Variants in SLC35F4 observed in about 807,000 individuals in gnomAD.
The protein encoded by SLC35F4 is chromosome 14 open reading frame 36.
SLC35F4 carries 24 observed loss-of-function variants against 44.2 expected under a neutral mutation model. That is an observed-to-expected ratio of 0.54 (90% CI 0.39 to 0.76). The LOEUF is 0.76. Among genes scored for constraint, SLC35F4 ranks in the 30% least tolerant of loss-of-function variants. The pLI, the probability that SLC35F4 is intolerant of heterozygous loss-of-function variation, is 0.00. For missense variants in SLC35F4, 562 were observed against 586.1 expected (o/e 0.96, Z 0.42); for synonymous variants, 238 against 223.6 (o/e 1.06, Z -0.57).
At chr14:57,891,945 A>G (rs752326226) in intron 1 of SLC35F4, among the ~76,000 whole-genome samples, 9 of 152,204 alleles carry the variant, frequency 5.9e-5, no homozygotes, top group Non-Finnish European at 1.3e-4. Flanking sequence ...TTCTCAGACT[A>G]TTATAGAAAA....
intron 1 of SLC35F4, among the ~76,000 whole-genome samples, chr14:57,618,504 G>A (rs539177112): frequency 1.3e-5 from 2 of 152,270 alleles, no homozygotes; most frequent in Admixed American, 6.5e-5. Context: ...GTGCACTCTG[G>A]CCCAGATACT....
chr14:57,585,403 C>G (rs923242881), intron 3 of SLC35F4, among the ~76,000 whole-genome samples: 5 of 152,098 alleles, frequency 3.3e-5, no homozygotes, highest in Non-Finnish European at 7.4e-5. Flanking sequence ...TGGGCAAAAG[C>G]TAGAAGCATT....
intron 1 of SLC35F4, among the ~76,000 whole-genome samples, chr14:57,620,621 C>T (rs921168930): frequency 2.6e-5 from 4 of 152,138 alleles, no homozygotes; most frequent in African/African-American, 9.7e-5. Flanking sequence ...GGGAATGCTT[C>T]CAGTTTTTGC....
intron 1 of SLC35F4, among the ~76,000 whole-genome samples, chr14:57,963,389 C>T (rs1183942181): frequency 1.3e-5 from 2 of 152,140 alleles, no homozygotes; most frequent in Admixed American, 6.5e-5. Flanking sequence ...AAGGACAGGA[C>T]GTGTCTTCAG....
chr14:57,600,463 T>TG (rs2070744579), intron 1 of SLC35F4, among the ~76,000 whole-genome samples: 1 of 147,620 alleles, frequency 6.8e-6, no homozygotes, highest in Non-Finnish European at 1.5e-5. Context: ...GAGGCCAAGG[T>TG]GGGCGGATCA....
intron 1 of SLC35F4, among the ~76,000 whole-genome samples, chr14:57,945,662 G>T (rs1289165613): frequency 6.6e-6 from 1 of 151,942 alleles, no homozygotes; most frequent in Non-Finnish European, 1.5e-5. Context: ...TGGATCAAAT[G>T]GTAGTTCTAC....
chr14:57,941,229 C>A (rs1889911247), intron 1 of SLC35F4, among the ~76,000 whole-genome samples: 1 of 152,112 alleles, frequency 6.6e-6, no homozygotes, highest in South Asian at 2.1e-4. Context: ...CAAACAAATA[C>A]CTGTACACAA....
intron 1 of SLC35F4, among the ~76,000 whole-genome samples, chr14:57,890,037 C>T (rs1027433163): frequency 4.6e-5 from 7 of 152,284 alleles, no homozygotes; most frequent in Middle Eastern, 3.4e-3. Context: ...ACTGTGGATG[C>T]GGTATCCTTC....
chr14:57,736,665 C>T (rs2076472093), intron 1 of SLC35F4, among the ~76,000 whole-genome samples: 1 of 152,206 alleles, frequency 6.6e-6, no homozygotes, highest in South Asian at 2.1e-4. Context: ...TCTACTATTA[C>T]CACAAGTTAT....
chr14:57,858,191 A>C (rs1887311297), intron 1 of SLC35F4, among the ~76,000 whole-genome samples: 2 of 152,054 alleles, frequency 1.3e-5, no homozygotes, highest in Non-Finnish European at 2.9e-5. Context: ...TATATACCCA[A>C]AGGATTATAA....
At chr14:57,903,010 G>A (rs80008557) in intron 1 of SLC35F4, among the ~76,000 whole-genome samples, 5,496 of 152,132 alleles carry the variant, frequency 0.036, 333 homozygotes, top group African/African-American at 0.13. Flanking sequence ...TACCTCATAT[G>A]TTACATGTTT....
intron 1 of SLC35F4, among the ~76,000 whole-genome samples, chr14:57,718,469 A>G (rs1258788145): frequency 6.6e-6 from 1 of 152,180 alleles, no homozygotes; most frequent in Non-Finnish European, 1.5e-5. Context: ...CCAACAGTGT[A>G]TGAGGATTCT....
chr14:57,828,876 A>G lies in SLC35F4; in HGVS notation c.103+36847T>C, dbSNP rs548863452. On this transcript the variant is annotated intron_variant, in intron 1 of 7. Transcript: ENST00000556826. The stretch of plus-strand genomic sequence containing the variant: ...GAAAATGGAATAATATTATGCAACA[A>G]CAATAATAATTTCTCCATAGCCCAA... Among the ~76,000 whole-genome samples the G allele has an allele frequency of 3.5e-4, 54 of 152,338 alleles. 1 individual carries two copies. Among genetic ancestry groups the G allele is most frequent in the African/African-American group, 1.2e-3 (49 of 41,582 alleles).
chr14:57,796,357 A>G (rs1053190943), intron 1 of SLC35F4, among the ~76,000 whole-genome samples: 4 of 152,168 alleles, frequency 2.6e-5, no homozygotes, highest in African/African-American at 9.6e-5. Flanking sequence ...AACATAATCA[A>G]TCTATTTTCA....
At chr14:57,740,383 T>G (rs1053578145) in intron 1 of SLC35F4, among the ~76,000 whole-genome samples, 1 of 152,206 alleles carries the variant, frequency 6.6e-6, no homozygotes, top group Non-Finnish European at 1.5e-5. Context: ...TCCAACACCA[T>G]GCATATTTTG....
chr14:57,647,106 G>T (rs1391015607), intron 1 of SLC35F4, among the ~76,000 whole-genome samples: 2 of 152,104 alleles, frequency 1.3e-5, no homozygotes, highest in Non-Finnish European at 2.9e-5. Flanking sequence ...CTGTTGACTT[G>T]GGGTGGAGAG....
At chr14:57,859,296 G>A (rs1887470676) in intron 1 of SLC35F4, among the ~76,000 whole-genome samples, 3 of 152,128 alleles carry the variant, frequency 2.0e-5, no homozygotes, top group Admixed American at 1.3e-4. Context: ...ATAGACCAAC[G>A]AGATAAATGT....
intron 1 of SLC35F4, among the ~76,000 whole-genome samples, chr14:57,706,252 A>T (rs2075673474): frequency 1.3e-5 from 2 of 152,224 alleles, no homozygotes; most frequent in East Asian, 1.9e-4. Context: ...TTGTCAAAAA[A>T]TGACATCATT....
At chr14:57,828,661 A>C (rs146980098) in intron 1 of SLC35F4, among the ~76,000 whole-genome samples, 3 of 152,126 alleles carry the variant, frequency 2.0e-5, no homozygotes, top group Non-Finnish European at 2.9e-5. Context: ...TGTGTCACAG[A>C]ATGTCACCAA....
Sources: allele counts gnomAD v4.1 joint callset (sites outside exome capture counted in the v4.1 genomes callset), GRCh38; gene constraint gnomAD v4.1.1; transcripts MANE v1.5; gene names NCBI Gene and HGNC (gene_info 2026-07-23, HGNC 2026-07-21).